FBXO31: variants seen among roughly 807,000 people sequenced by gnomAD.
FBXO31 encodes F-box only protein 31.
Under a neutral mutation model 54.4 loss-of-function variants are expected in FBXO31, and 24 were observed. The ratio of observed to expected loss-of-function variants is 0.44; its 90% CI spans 0.32 to 0.62. The LOEUF (loss-of-function observed/expected upper bound fraction) is 0.62, where lower values mean the gene tolerates loss of function less well. Ranked by LOEUF, FBXO31 falls within the 20% of genes least tolerant of loss-of-function variation. The pLI, the probability that FBXO31 is intolerant of heterozygous loss-of-function variation, is 0.05. For synonymous variants in FBXO31, 388 were observed against 335.6 expected (o/e 1.16, Z -1.71); for missense variants, 665 against 787.1 (o/e 0.84, Z 1.86).
intron 8 of FBXO31, 51 bp from the exon 9 acceptor site, chr16:87,331,561 T>C: frequency 1.4e-6 from 2 of 1,452,558 alleles, no homozygotes; most frequent in Non-Finnish European, 1.9e-6. Context: ...CTGAGTCAAA[T>C]GCACGCCACG....
chr16:87,344,853 C>T (rs1044710092), intron 3 of FBXO31, among the ~76,000 whole-genome samples: 2 of 152,100 alleles, frequency 1.3e-5, no homozygotes, highest in African/African-American at 4.8e-5. Flanking sequence ...GAAAACCCCA[C>T]CTGGGGGCAA....
Position 87,379,821 on chromosome 16 carries a change from C to T in FBXO31, c.340+3584G>A, listed in dbSNP as rs1435926525. Among the ~76,000 whole-genome samples, 5 of 151,846 alleles carry T rather than the reference C, an allele frequency of 3.3e-5. No homozygotes were observed. The East Asian group carries it at 7.9e-4, about 24-fold the overall frequency. On this transcript the variant is annotated intron_variant, in intron 1 of 8. Coordinates refer to ENST00000311635, the MANE Select transcript of FBXO31 (RefSeq NM_024735.5). ...CAGGCTGGTCTCCAACTCCTGATCT[C>T]GGGTGATCTGCCCGCCTTGGCCTCC... is the stretch of plus-strand genomic sequence containing the variant.
chr16:87,335,689 C>T lies in FBXO31; in HGVS notation c.843-232G>A, dbSNP rs570932283. Among the ~76,000 whole-genome samples, 1 of 152,286 alleles carries T rather than the reference C, an allele frequency of 6.6e-6. No individual in the cohort carries two copies. Among genetic ancestry groups the T allele is most frequent in the East Asian group, 1.9e-4 (1 of 5,172 alleles). ...GGACTTCTGGGGTTAAGGGGGGCAT[C>T]AGCGCCAGGGCAGAGCTTTAGGTGG... On this transcript the variant is annotated intron_variant, in intron 6 of 8. Coordinates refer to ENST00000311635, the MANE Select transcript of FBXO31 (RefSeq NM_024735.5). This position sits in a 1 kb window ranked among gnomAD's most constrained non-coding sequence, Gnocchi z 5.7.
intron 2 of FBXO31, among the ~76,000 whole-genome samples, chr16:87,348,965 C>T (rs942174751): frequency 1.3e-5 from 2 of 152,192 alleles, no homozygotes; most frequent in African/African-American, 2.4e-5. Flanking sequence ...GACCAAGCCT[C>T]GGCAGCAGGA....
chr16:87,384,796 G>C (rs116703285), upstream of FBXO31, among the ~76,000 whole-genome samples: 1 of 152,218 alleles, frequency 6.6e-6, no homozygotes, highest in South Asian at 2.1e-4. Flanking sequence ...GGAGGCCGAG[G>C]CTGTAGTGAC....
At chr16:87,362,690 A>G (rs1440814505) in intron 1 of FBXO31, 1 of 152,298 alleles carries the variant, frequency 6.6e-6, no homozygotes, top group Non-Finnish European at 1.5e-5. Context: ...CCTCCTGAGT[A>G]GCTGGGCCTA....
In FBXO31 at chr16:87,335,992, CAG is replaced by C. The variant is rs538695973; in HGVS notation, c.842+161_842+162del. On this transcript the variant is annotated intron_variant, in intron 6 of 8. Coordinates refer to ENST00000311635, the MANE Select transcript of FBXO31 (RefSeq NM_024735.5). This position sits in a 1 kb window ranked among gnomAD's most constrained non-coding sequence, Gnocchi z 5.7. ...AAGAGCGAACTATGCTCCAAGCACC[CAG>C]AGAGAGAGGGGCTGTACTCCCAGCC... Among the ~76,000 whole-genome samples the C allele has an allele frequency of 4.1e-3, 621 of 152,090 alleles. 2 individuals are homozygous for C. The highest frequency in any genetic ancestry group is 0.014 in the African/African-American group (587 of 41,488).
chr16:87,387,802 G>A (rs759268804), upstream of FBXO31, among the ~76,000 whole-genome samples: 9 of 152,082 alleles, frequency 5.9e-5, no homozygotes, highest in Non-Finnish European at 1.3e-4. Flanking sequence ...CAGCCTGGGC[G>A]ACAGAGAGAA....
intron 2 of FBXO31, among the ~76,000 whole-genome samples, chr16:87,357,548 G>A (rs1039433147): frequency 6.6e-6 from 1 of 151,996 alleles, no homozygotes; most frequent in Non-Finnish European, 1.5e-5. Context: ...GACAGGTCTC[G>A]AACTCCTGAC....
In FBXO31 at chr16:87,330,690, C is replaced by T. The variant is rs1159792197; in HGVS notation, c.*598G>A. On this transcript the variant is annotated 3_prime_UTR_variant, in exon 9 of 9. Transcript: ENST00000311635. ...GAAATGCTTCTGTCCAAACTCCAAG[C>T]AAGCCGGTAGAGAAATGGGGATTCA... 1 of 152,684 alleles carries T rather than the reference C, an allele frequency of 6.5e-6. No homozygotes were observed. The highest frequency in any genetic ancestry group is 2.4e-5 in the African/African-American group (1 of 41,438). The allele number at this position is 152,684 out of a possible 1,614,324, so 9.5% of individuals were successfully genotyped here.
At chr16:87,354,481 C>A (rs570098548) in intron 2 of FBXO31, among the ~76,000 whole-genome samples, 2 of 145,676 alleles carry the variant, frequency 1.4e-5, no homozygotes, top group Non-Finnish European at 3.0e-5. Context: ...AAAAAAAAAA[C>A]CCAAAAATGC....
chr16:87,347,318 C>T (rs1762328524), intron 2 of FBXO31, 68 bp from the exon 3 acceptor site: 7 of 1,362,556 alleles, frequency 5.1e-6, no homozygotes, highest in South Asian at 4.7e-5. Flanking sequence ...CCAGGAACCC[C>T]GAGAGGGAGG....
intron 1 of FBXO31, among the ~76,000 whole-genome samples, chr16:87,380,616 G>A (rs1325526108): frequency 6.6e-6 from 1 of 152,102 alleles, no homozygotes; most frequent in Admixed American, 6.5e-5. Context: ...TTGAACTCCT[G>A]GGCTCAAGTG....
At chr16:87,334,995 T>C (rs1346430230) in intron 7 of FBXO31, among the ~76,000 whole-genome samples, 1 of 152,184 alleles carries the variant, frequency 6.6e-6, no homozygotes. Flanking sequence ...AGCCTCTGTG[T>C]GGGGTCTGCT....
chr16:87,375,392 T>C (rs932771783), intron 1 of FBXO31, among the ~76,000 whole-genome samples: 5 of 151,450 alleles, frequency 3.3e-5, no homozygotes, highest in Admixed American at 6.6e-5. Flanking sequence ...CCTGGGAGGC[T>C]GAGGCAGAGA....
At chr16:87,342,790 A>C in intron 5 of FBXO31, 87 bp downstream of exon 5, 1 of 1,158,820 alleles carries the variant, frequency 8.6e-7, no homozygotes, top group East Asian at 2.7e-5. Context: ...CATGCTGCTG[A>C]CTTCTCTCCC....
intron 1 of FBXO31, among the ~76,000 whole-genome samples, chr16:87,380,338 A>G (rs1004425128): frequency 1.3e-5 from 2 of 151,154 alleles, no homozygotes; most frequent in Admixed American, 6.6e-5. Flanking sequence ...AAAAGCAAAT[A>G]TGACAAATGA....
In FBXO31 at chr16:87,336,633, C is replaced by G. The variant is rs1488609109; in HGVS notation, c.733-369G>C. Among the ~76,000 whole-genome samples, 1 of 152,108 alleles carries G rather than the reference C, an allele frequency of 6.6e-6. No homozygotes were observed. Among genetic ancestry groups the G allele is most frequent in the Admixed American group, 6.5e-5 (1 of 15,268 alleles). On this transcript the variant is annotated intron_variant, in intron 5 of 8. Coordinates refer to ENST00000311635, the MANE Select transcript of FBXO31 (RefSeq NM_024735.5). This position sits in a 1 kb window ranked among gnomAD's most constrained non-coding sequence, Gnocchi z 6.5. ...GAACAGCATCTACACAGACTCTGGC[C>G]CTGCACAGCACAGCCCCTCAGCCTG...
At position 87,378,500 on chromosome 16, in the gene FBXO31, C is replaced by A. The variant is rs1034336262; in HGVS notation, c.340+4905G>T. Reference sequence around the variant, plus strand: ...TGCTGGCAGCTACTGTGCAATACTGCATCCGGGCAGTTAAGTTTCTCCTTC... The same window carrying A: ...TGCTGGCAGCTACTGTGCAATACTGAATCCGGGCAGTTAAGTTTCTCCTTC... On this transcript the variant is annotated intron_variant, in intron 1 of 8. Transcript: ENST00000311635. Among the ~76,000 whole-genome samples the A allele has an allele frequency of 9.2e-5, 14 of 152,332 alleles. No individual in the cohort carries two copies. The East Asian group carries it at 2.7e-3, about 29-fold the overall frequency.
Sources: allele counts gnomAD v4.1 joint callset (sites outside exome capture counted in the v4.1 genomes callset), GRCh38; gene constraint gnomAD v4.1.1; non-coding constraint Gnocchi (gnomAD v3.1); transcripts MANE v1.5; gene names NCBI Gene and HGNC (gene_info 2026-07-23, HGNC 2026-07-21).